Variants in RP1L1 observed in about 807,000 individuals in gnomAD.
The protein encoded by RP1L1 is RP1 like 1, also known as retinitis pigmentosa 1-like 1 protein.
In RP1L1, 27 loss-of-function variants were observed where a neutral mutation model predicts 15.7. That is an observed-to-expected ratio of 1.72 (90% CI 1.27 to 2.38). The LOEUF (loss-of-function observed/expected upper bound fraction) is 2.38. RP1L1 is among the 30% of genes most tolerant of loss of function. The pLI, the probability that RP1L1 is intolerant of heterozygous loss-of-function variation, is 0.00. For synonymous variants in RP1L1, 1,813 were observed against 1,276.7 expected (o/e 1.42, Z -8.96); for missense variants, 4,798 against 3,075.9 (o/e 1.56, Z -13.24).
chr8:10,612,704 G>C lies in RP1L1; in HGVS notation c.1394C>G (p.Ser465Trp), dbSNP rs772280379. Residue 465 changes from serine to tryptophan, a missense_variant, in exon 4 of 4, where the codon TCG (serine) becomes TGG (tryptophan). Coordinates refer to ENST00000382483, the MANE Select transcript of RP1L1 (RefSeq NM_178857.6). Reference protein sequence around the residue: ...PASSTGLPEGSEPESSCCPRT... With the variant: ...PASSTGLPEGWEPESSCCPRT... ...GGGGCAGCAGGAGGACTCTGGCTCC[G>C]AGCCCTCGGGGAGGCCGGTGCTGGA... 1.2e-6 allele frequency: 2 copies of C among 1,604,260 alleles called. No individual in the cohort carries two copies. Among genetic ancestry groups the C allele is most frequent in the South Asian group, 1.1e-5 (1 of 90,990 alleles).
In RP1L1 at chr8:10,622,707, C is replaced by T; in HGVS notation, c.495G>A (p.Gln165=). The T allele has an allele frequency of 6.2e-7, 1 of 1,614,180 alleles. No individual in the cohort carries two copies. The highest frequency in any genetic ancestry group is 8.5e-7 in the Non-Finnish European group (1 of 1,180,022). ...LLIKNMDPRL[Q]QTVVLSHRNT... is the part of the protein sequence containing the mutation. ...TCCTGTGACTGAGAACCACTGTCTG[C>T]TGGAGGCGAGGGTCCATGTTCTTAA... The change falls in exon 2 of 4, where the codon CAG becomes CAA. Residue 165 remains glutamine, a synonymous_variant. Transcript: ENST00000382483.
chr8:10,634,855 G>A (rs1434052431), intron 1 of RP1L1, among the ~76,000 whole-genome samples: 1 of 152,046 alleles, frequency 6.6e-6, no homozygotes, highest in Non-Finnish European at 1.5e-5. Flanking sequence ...AACCCCAACT[G>A]GGACTCCCTC....
intron 1 of RP1L1, among the ~76,000 whole-genome samples, chr8:10,652,695 C>T (rs1798580501): frequency 6.6e-6 from 1 of 152,104 alleles, no homozygotes; most frequent in Non-Finnish European, 1.5e-5. Context: ...TTCAAAGTAG[C>T]CCACATCTGA....
intron 1 of RP1L1, among the ~76,000 whole-genome samples, chr8:10,640,042 T>C (rs1798385061): frequency 6.6e-6 from 1 of 152,248 alleles, no homozygotes; most frequent in African/African-American, 2.4e-5. Context: ...TTCTACTTTG[T>C]TTTAAAAACA....
rs1410206820 is a variant in RP1L1 at position 10,650,786 on chromosome 8, C to G, written c.-20+4112G>C. Among the ~76,000 whole-genome samples, 2 of 152,152 alleles carry G rather than the reference C, an allele frequency of 1.3e-5. 1 individual carries two copies. Among genetic ancestry groups the G allele is most frequent in the Admixed American group, 1.3e-4 (2 of 15,294 alleles). On this transcript the variant is annotated intron_variant, in intron 1 of 3. Transcript: ENST00000382483. ...TTTGCCATGTTGGCCAGGCTATTCT[C>G]GAACTCCTGACCTCAGGTGATCCAC...
rs957265685 is a variant in RP1L1, at chr8:10,613,335, G to T, written c.763C>A (p.Pro255Thr). 11 of 1,600,008 alleles carry T rather than the reference G, an allele frequency of 6.9e-6. No homozygotes were observed. The African/African-American group carries it at 1.3e-4, about 19-fold the overall frequency. Residue 255 changes from proline to threonine, a missense_variant, in exon 4 of 4, where the codon CCA becomes ACA. Pro to Thr is a conservative substitution (Grantham distance 38). Coordinates refer to ENST00000382483, the MANE Select transcript of RP1L1 (RefSeq NM_178857.6). ...TGGATCACACTCGGCTTGGTCTTTG[G>T]CCCCCAGCTCCCTGGCACGCAGTGA... ...TSRNKNGSWG[P>T]KTKPSVIHSR...
At chr8:10,653,788 T>G (rs973837390) in intron 1 of RP1L1, among the ~76,000 whole-genome samples, 4 of 152,324 alleles carry the variant, frequency 2.6e-5, no homozygotes, top group African/African-American at 9.6e-5. Context: ...CTGGAAGATG[T>G]TTATATAACC....
rs1267610968 is a variant in RP1L1, at chr8:10,607,945, C to G, written c.6153G>C (p.Glu2051Asp). 1 of 1,612,168 alleles carries G rather than the reference C, an allele frequency of 6.2e-7. No individual in the cohort carries two copies. Among genetic ancestry groups the G allele is most frequent in the Admixed American group, 1.7e-5 (1 of 59,874 alleles). The part of the protein sequence containing the change: ...TQKTEGDAQP[E>D]SDGVEAPEAE... ...CCTCCGGGGCCTCTACACCGTCTGA[C>G]TCTGGCTGGGCATCCCCTTCTGTCT... Residue 2051 changes from glutamate (E) to aspartate (D), a missense_variant, in exon 4 of 4, where the codon GAG becomes GAC. By Grantham distance (45) the Glu-to-Asp change is conservative (BLOSUM62 2). Transcript: ENST00000382483.
Position 10,612,867 on chromosome 8 carries a change from G to A in RP1L1, c.1231C>T (p.Pro411Ser), listed in dbSNP as rs754785148. Residue 411 changes from proline to serine, a missense_variant, in exon 4 of 4, where the codon CCC becomes TCC. Pro to Ser is a moderately conservative substitution (Grantham distance 74). Coordinates refer to ENST00000382483, the MANE Select transcript of RP1L1 (RefSeq NM_178857.6). ...PGPKYEIWTN[P>S]LHASQGERVA... ...CTCTCTCCCTGGGAGGCATGCAGGG[G>A]ATTCGTCCAGATTTCATACTTGGGC... The A allele has an allele frequency of 1.2e-6, 2 of 1,612,782 alleles. No individual in the cohort carries two copies. The highest frequency in any genetic ancestry group is 1.3e-5 in the African/African-American group (1 of 74,998).
chr8:10,607,455 G>T lies in RP1L1; in HGVS notation c.6643C>A (p.Pro2215Thr), dbSNP rs757422919. 6.2e-7 allele frequency: 1 copy of T among 1,613,406 alleles called. No individual in the cohort carries two copies. The highest frequency in any genetic ancestry group is 8.5e-7 in the Non-Finnish European group (1 of 1,179,794). The change falls in exon 4 of 4, where the codon CCG becomes ACG. Residue 2215 changes from proline to threonine, a missense_variant. By Grantham distance (38) the Pro-to-Thr change is conservative. Transcript: ENST00000382483. ...GGCTGGGCCTCCTCTTCAGCCTCCG[G>T]GGCCTCTACACCTTCTAACTCTGGT... ...AQPELEGVEA[P>T]EAEEEAQPEP...
chr8:10,650,041 T>C (rs1024490785), intron 1 of RP1L1, among the ~76,000 whole-genome samples: 1 of 152,190 alleles, frequency 6.6e-6, no homozygotes, highest in Non-Finnish European at 1.5e-5. Flanking sequence ...GATCCAACCC[T>C]GGCCAATGAG....
chr8:10,654,587 G>A (rs972835487), intron 1 of RP1L1, among the ~76,000 whole-genome samples: 4 of 152,078 alleles, frequency 2.6e-5, no homozygotes, highest in African/African-American at 9.7e-5. Context: ...TGACTCCAGC[G>A]ACTGCATTGC....
chr8:10,612,082 C>T lies in RP1L1; in HGVS notation c.2016G>A (p.Lys672=). 1 of 1,613,868 alleles carries T rather than the reference C, an allele frequency of 6.2e-7. No homozygotes were observed. Among genetic ancestry groups the T allele is most frequent in the Non-Finnish European group, 8.5e-7 (1 of 1,180,040 alleles). The change falls in exon 4 of 4, where the codon AAG becomes AAA. Residue 672 remains lysine, a synonymous_variant. Coordinates refer to ENST00000382483, the MANE Select transcript of RP1L1 (RefSeq NM_178857.6). Reference sequence around the variant, plus strand: ...AGGAGTCCAGTGGGCTGTGGGTGTCCTTGCGGTAGTGAGAATGCCTGGGAT... The same window carrying T: ...AGGAGTCCAGTGGGCTGTGGGTGTCTTTGCGGTAGTGAGAATGCCTGGGAT... ...RGHPRHSHYR[K]DTHSPLDSSV...
At position 10,612,068 on chromosome 8, in the gene RP1L1, G is replaced by C. The variant is rs1298213984; in HGVS notation, c.2030C>G (p.Pro677Arg). The change falls in exon 4 of 4, where the codon CCA (proline) becomes CGA (arginine). Residue 677 changes from proline (P) to arginine (R), a missense_variant. Transcript: ENST00000382483. ...HSHYRKDTHS[P>R]LDSSVTKQVP... ...TTGCTTGGTTACAGAGGAGTCCAGT[G>C]GGCTGTGGGTGTCCTTGCGGTAGTG... is the stretch of plus-strand genomic sequence containing the variant. 1 of 1,613,882 alleles carries C rather than the reference G, an allele frequency of 6.2e-7. No individual in the cohort carries two copies.
At position 10,609,261 on chromosome 8, in the gene RP1L1, G is replaced by T. The variant is rs181095314; in HGVS notation, c.4837C>A (p.Leu1613Met). ...TCAGAGAAGGCCGAGAGGTTTCGCA[G>T]GCCCCGGAGACGGTGTCTGCGCTGC... ...TQQRRHRLRG[L>M]RNLSAFSERT... Residue 1613 changes from leucine to methionine, a missense_variant, in exon 4 of 4, where the codon CTG becomes ATG. Physicochemically the swap from Leu to Met is conservative, Grantham distance 15. Transcript: ENST00000382483. 7.8e-5 allele frequency: 125 copies of T among 1,609,192 alleles called. No individual in the cohort carries two copies. The East Asian group carries it at 2.6e-3, about 33-fold the overall frequency.
chr8:10,637,397 G>A (rs1030764984), intron 1 of RP1L1, among the ~76,000 whole-genome samples: 1 of 152,046 alleles, frequency 6.6e-6, no homozygotes, highest in African/African-American at 2.4e-5. Flanking sequence ...CAGTGTAGGG[G>A]CCAGAAAACT....
Position 10,608,561 on chromosome 8 carries a change from G to C in RP1L1, c.5537C>G (p.Pro1846Arg). The change falls in exon 4 of 4, where the codon CCA (proline) becomes CGA (arginine). Residue 1846 changes from proline (P) to arginine (R), a missense_variant. Transcript: ENST00000382483. ...TGGGGCCTCTACACCTTCTGACTCT[G>C]GCTGGGCCTCCCCTTCAGCCTCCGG... ...EAPEAEGEAQPESEGVEAPEA... is the reference protein window; with the variant it reads ...EAPEAEGEAQRESEGVEAPEA... 1 of 1,610,498 alleles carries C rather than the reference G, an allele frequency of 6.2e-7. No homozygotes were observed. Among genetic ancestry groups the C allele is most frequent in the Non-Finnish European group, 8.5e-7 (1 of 1,177,498 alleles).
chr8:10,650,138 G>A (rs767760992), intron 1 of RP1L1, among the ~76,000 whole-genome samples: 7 of 152,174 alleles, frequency 4.6e-5, no homozygotes, highest in Non-Finnish European at 1.0e-4. Context: ...ACGTGTGTAT[G>A]GAAAGCTGGG....
chr8:10,623,264 G>C (rs1385837173), intron 1 of RP1L1, 44 bp from the exon 2 acceptor site: 6 of 1,427,614 alleles, frequency 4.2e-6, no homozygotes, highest in Non-Finnish European at 5.6e-6. Flanking sequence ...CAGCTTGGGG[G>C]ATTGGCATTT....
Sources: allele counts gnomAD v4.1 joint callset (sites outside exome capture counted in the v4.1 genomes callset), GRCh38; gene constraint gnomAD v4.1.1; transcripts MANE v1.5; gene names NCBI Gene and HGNC (gene_info 2026-07-23, HGNC 2026-07-21).